The following KCNH7 variants were observed in gnomAD, a reference collection of about 807,000 sequenced individuals.
KCNH7 encodes potassium voltage-gated channel subfamily H member 7.
KCNH7 carries 49 observed loss-of-function variants against 120.8 expected under a neutral mutation model. That is an observed-to-expected ratio of 0.41 (90% CI 0.32 to 0.51). KCNH7 has a LOEUF of 0.51. Among genes scored for constraint, KCNH7 ranks in the 20% least tolerant of loss-of-function variants. KCNH7 has a pLI of 0.38. For synonymous variants in KCNH7, 547 were observed against 516.1 expected (o/e 1.06, Z -0.81); for missense variants, 1,097 against 1,446.6 (o/e 0.76, Z 3.92).
At chr2:162,830,839 G>A (rs748422801) in intron 2 of KCNH7, among the ~76,000 whole-genome samples, 4 of 152,116 alleles carry the variant, frequency 2.6e-5, no homozygotes, top group Non-Finnish European at 4.4e-5. Context: ...GCCTTCACCA[G>A]TCCCAGAACC....
chr2:162,508,722 G>T (rs1690967401), intron 5 of KCNH7, among the ~76,000 whole-genome samples: 1 of 151,460 alleles, frequency 6.6e-6, no homozygotes, highest in Non-Finnish European at 1.5e-5. Flanking sequence ...AGAATGCAGG[G>T]TTTCCTACCT....
intron 3 of KCNH7, among the ~76,000 whole-genome samples, chr2:162,521,270 A>C (rs1691511515): frequency 6.6e-6 from 1 of 151,940 alleles, no homozygotes; most frequent in African/African-American, 2.4e-5. Flanking sequence ...TCACAAACAG[A>C]TTCTAAACTG....
chr2:162,586,824 T>G (rs1428368142), intron 2 of KCNH7, among the ~76,000 whole-genome samples: 1 of 152,022 alleles, frequency 6.6e-6, no homozygotes, highest in African/African-American at 2.4e-5. Context: ...CCATTAAAAT[T>G]TAAAAATGAA....
chr2:162,390,074 A>T (rs940253879), intron 12 of KCNH7, among the ~76,000 whole-genome samples: 5 of 151,902 alleles, frequency 3.3e-5, no homozygotes, highest in African/African-American at 1.2e-4. Flanking sequence ...TGCTGTCCTC[A>T]TTGGATTATT....
chr2:162,526,189 G>A (rs573229820), intron 3 of KCNH7, among the ~76,000 whole-genome samples: 5 of 151,878 alleles, frequency 3.3e-5, no homozygotes, highest in African/African-American at 7.2e-5. Flanking sequence ...GGGAGTGTAC[G>A]AATAGGGTGT....
At chr2:162,703,055 G>A (rs1686572004) in intron 2 of KCNH7, among the ~76,000 whole-genome samples, 1 of 152,066 alleles carries the variant, frequency 6.6e-6, no homozygotes, top group African/African-American at 2.4e-5. Flanking sequence ...ATTATCACCA[G>A]GGTTGAATAA....
intron 2 of KCNH7, among the ~76,000 whole-genome samples, chr2:162,608,622 C>T (rs1190360800): frequency 1.3e-5 from 2 of 152,188 alleles, no homozygotes; most frequent in Non-Finnish European, 2.9e-5. Flanking sequence ...CAAATGGTCC[C>T]ACCTAACATC....
chr2:162,409,421 C>A (rs752763714), intron 9 of KCNH7, among the ~76,000 whole-genome samples: 27 of 151,760 alleles, frequency 1.8e-4, no homozygotes, highest in Non-Finnish European at 2.8e-4. Context: ...ATTAAAGATA[C>A]ACTATTGAAA....
chr2:162,707,921 A>T (rs1343060389), intron 2 of KCNH7, among the ~76,000 whole-genome samples: 1 of 151,856 alleles, frequency 6.6e-6, no homozygotes, highest in Non-Finnish European at 1.5e-5. Flanking sequence ...CCTCATTTTC[A>T]TCTAAACTTT....
intron 2 of KCNH7, among the ~76,000 whole-genome samples, chr2:162,772,391 G>C (rs1683088818): frequency 2.6e-5 from 4 of 152,022 alleles, no homozygotes; most frequent in Admixed American, 2.6e-4. Context: ...ACAGTTTTCA[G>C]GTTCTTGTAT....
chr2:162,593,239 A>C (rs2105937062), intron 2 of KCNH7, among the ~76,000 whole-genome samples: 1 of 152,186 alleles, frequency 6.6e-6, no homozygotes, highest in African/African-American at 2.4e-5. Context: ...CTCTGGCATA[A>C]GTAGTGGAAG....
At chr2:162,456,522 C>T (rs1175915601) in intron 6 of KCNH7, among the ~76,000 whole-genome samples, 1 of 152,026 alleles carries the variant, frequency 6.6e-6, no homozygotes, top group African/African-American at 2.4e-5. Context: ...TCTATTACGT[C>T]CACTTGATCC....
rs535094357 is a variant in KCNH7 at position 162,406,540 on chromosome 2, G to A, written c.2155-6099C>T. ...GAAATTTTCTAGGGAAATTTTCTGG[G>A]TCATTAAATATACTTAAATCTTGAC... On this transcript the variant is annotated intron_variant, in intron 9 of 15. Coordinates refer to ENST00000332142, the MANE Select transcript of KCNH7 (RefSeq NM_033272.4). Among the ~76,000 whole-genome samples the A allele has an allele frequency of 5.9e-5, 9 of 151,874 alleles. No individual in the cohort carries two copies. In the South Asian group the frequency reaches 6.2e-4, roughly 11 times the overall value.
chr2:162,485,352 T>A (rs1690058943), intron 6 of KCNH7, among the ~76,000 whole-genome samples: 1 of 152,224 alleles, frequency 6.6e-6, no homozygotes, highest in South Asian at 2.1e-4. Flanking sequence ...GTGATAATAA[T>A]CTTTCTCTTT....
At chr2:162,421,046 A>G (rs959958368) in intron 9 of KCNH7, among the ~76,000 whole-genome samples, 1 of 152,206 alleles carries the variant, frequency 6.6e-6, no homozygotes, top group East Asian at 1.9e-4. Context: ...CCATTTGCTG[A>G]GTGTTCAGAG....
At chr2:162,376,294 T>A (rs1294959241) in intron 14 of KCNH7, among the ~76,000 whole-genome samples, 1 of 151,920 alleles carries the variant, frequency 6.6e-6, no homozygotes. Flanking sequence ...GATAAATTGC[T>A]CTGTGTGCAA....
intron 2 of KCNH7, among the ~76,000 whole-genome samples, chr2:162,754,354 T>C (rs1366302019): frequency 6.6e-6 from 1 of 152,118 alleles, no homozygotes; most frequent in African/African-American, 2.4e-5. Context: ...ACTTTGGCAA[T>C]TACTTTTATA....
chr2:162,578,279 C>G (rs147059080), intron 2 of KCNH7, among the ~76,000 whole-genome samples: 4 of 152,084 alleles, frequency 2.6e-5, no homozygotes, highest in South Asian at 2.1e-4. Flanking sequence ...TCTATTGAAC[C>G]AGGCATTTAG....
chr2:162,494,934 G>A (rs1690445674), intron 6 of KCNH7, among the ~76,000 whole-genome samples: 1 of 152,096 alleles, frequency 6.6e-6, no homozygotes, highest in African/African-American at 2.4e-5. Flanking sequence ...AAATGTTGTT[G>A]ATCCTTGTTT....
Sources: gnomAD v4.1 joint callset for allele counts (sites outside exome capture counted in the v4.1 genomes callset) on GRCh38, gnomAD v4.1.1 for gene constraint, MANE v1.5 for transcripts, NCBI Gene and HGNC (gene_info 2026-07-23, HGNC 2026-07-21) for gene names.